NTRK2: variants seen among roughly 807,000 people sequenced by gnomAD.
The protein encoded by NTRK2 is neurotrophic receptor tyrosine kinase 2.
NTRK2 carries 13 observed loss-of-function variants against 94.5 expected under a neutral mutation model. That is an observed-to-expected ratio of 0.14 (90% CI 0.09 to 0.22). The LOEUF is 0.22. NTRK2 is among the 10% of genes least tolerant of loss of function. The pLI is 1.00. For synonymous variants in NTRK2, 372 were observed against 407.4 expected (o/e 0.91, Z 1.05); for missense variants, 639 against 1,071.2 (o/e 0.60, Z 5.63).
Position 85,020,176 on chromosome 9 carries a change from A to T in NTRK2, c.2173-30A>T, listed in dbSNP as rs768455677. On this transcript the variant is annotated intron_variant, in intron 17 of 18. Coordinates refer to ENST00000277120, the MANE Select transcript of NTRK2 (RefSeq NM_006180.6). ...TCCACACCTGGTTTCGGGGTGACTG[A>T]TGCCTCCCTGTTGATCCCTTTCTCC... is the stretch of plus-strand genomic sequence containing the variant. 5.6e-6 allele frequency: 9 copies of T among 1,613,382 alleles called. No individual in the cohort carries two copies. The Admixed American group carries it at 1.3e-4, about 24-fold the overall frequency.
chr9:84,742,893 C>T (rs945964639), intron 10 of NTRK2, among the ~76,000 whole-genome samples: 1 of 150,880 alleles, frequency 6.6e-6, no homozygotes, highest in Non-Finnish European at 1.5e-5. Flanking sequence ...CTCCGCCTCC[C>T]GAGTTCAAGC....
intron 12 of NTRK2, chr9:84,814,227 A>G (rs771102724): frequency 5.6e-6 from 6 of 1,065,416 alleles, no homozygotes; most frequent in Non-Finnish European, 6.8e-6. Flanking sequence ...TCACTCTCCA[A>G]GTAACCCTGA....
intron 15 of NTRK2, among the ~76,000 whole-genome samples, chr9:84,941,646 G>A (rs2078413849): frequency 6.6e-6 from 1 of 152,208 alleles, no homozygotes; most frequent in South Asian, 2.1e-4. Context: ...GCTCCTTTAT[G>A]TCTAGCAAAA....
chr9:84,739,553 G>A (rs2063491524), intron 9 of NTRK2, among the ~76,000 whole-genome samples: 1 of 152,168 alleles, frequency 6.6e-6, no homozygotes, highest in African/African-American at 2.4e-5. Context: ...AGTCACTGAG[G>A]CCGTTTAAAT....
chr9:84,865,853 C>G (rs2075568255), intron 13 of NTRK2, among the ~76,000 whole-genome samples: 1 of 152,220 alleles, frequency 6.6e-6, no homozygotes, highest in Non-Finnish European at 1.5e-5. Flanking sequence ...CCCACGTAGA[C>G]AGTGCCTGTC....
chr9:84,682,453 AGGTTTTGG>A (rs1466765362), intron 2 of NTRK2, among the ~76,000 whole-genome samples: 1 of 151,974 alleles, frequency 6.6e-6, no homozygotes, highest in East Asian at 1.9e-4. Context: ...GAAGTTGGGG[AGGTTTTGG>A]CAGCCTCTGA....
At chr9:84,772,970 A>G (rs1242764749) in intron 12 of NTRK2, among the ~76,000 whole-genome samples, 1 of 152,226 alleles carries the variant, frequency 6.6e-6, no homozygotes, top group Non-Finnish European at 1.5e-5. Context: ...CAGCAGAGCC[A>G]CTGAATTTAG....
At chr9:84,884,714 C>T (rs1240217326) in intron 14 of NTRK2, among the ~76,000 whole-genome samples, 4 of 152,188 alleles carry the variant, frequency 2.6e-5, no homozygotes, top group Admixed American at 6.5e-5. Flanking sequence ...GGGAAAAATA[C>T]AATTTTCTGT....
intron 17 of NTRK2, among the ~76,000 whole-genome samples, chr9:84,981,825 T>G (rs1245985201): frequency 1.3e-5 from 2 of 152,102 alleles, no homozygotes; most frequent in Non-Finnish European, 2.9e-5. Context: ...GTTTCTGGGG[T>G]TTTATTGATT....
chr9:84,886,086 A>G (rs1466037911), intron 14 of NTRK2, among the ~76,000 whole-genome samples: 1 of 152,178 alleles, frequency 6.6e-6, no homozygotes, highest in Non-Finnish European at 1.5e-5. Flanking sequence ...ACACCTGTAG[A>G]TGGGAAATGG....
At position 85,020,625 on chromosome 9, in the gene NTRK2, C is replaced by T. The variant is rs12378021; in HGVS notation, c.2331+261C>T. On this transcript the variant is annotated intron_variant, in intron 18 of 18. Transcript: ENST00000277120. ...GACTGAGGAGTCACTTTATGCAGCT[C>T]ATCTGATAAATTAATAGCAGACGTA... Among the ~76,000 whole-genome samples, 30,455 of 152,080 alleles carry T rather than the reference C, an allele frequency of 0.2. 3,436 individuals carry two copies. Among genetic ancestry groups the T allele is most frequent in the Admixed American group, 0.27 (4,192 of 15,290 alleles).
chr9:84,802,370 A>G (rs1279188169), intron 12 of NTRK2, among the ~76,000 whole-genome samples: 1 of 152,222 alleles, frequency 6.6e-6, no homozygotes, highest in Non-Finnish European at 1.5e-5. Context: ...TTCCACTTGA[A>G]CCAAAGAATT....
intron 12 of NTRK2, among the ~76,000 whole-genome samples, chr9:84,823,252 G>A (rs567901138): frequency 6.6e-6 from 1 of 152,248 alleles, no homozygotes; most frequent in African/African-American, 2.4e-5. Flanking sequence ...CTAAAACCAC[G>A]AGTGATTTTT....
At chr9:84,893,463 G>C (rs1484706692) in intron 14 of NTRK2, among the ~76,000 whole-genome samples, 1 of 152,140 alleles carries the variant, frequency 6.6e-6, no homozygotes, top group Non-Finnish European at 1.5e-5. Context: ...AAATTTTGGA[G>C]CACTTGACCC....
At chr9:85,003,987 AGAAG>A (rs1189475406) in intron 17 of NTRK2, among the ~76,000 whole-genome samples, 1 of 119,290 alleles carries the variant, frequency 8.4e-6, no homozygotes, top group East Asian at 2.1e-4. Flanking sequence ...AGGAGAAAGA[AGAAG>A]GAAAGAAAGA....
intron 12 of NTRK2, chr9:84,814,439 CT>C (rs1174865383): frequency 1.3e-5 from 14 of 1,065,470 alleles, no homozygotes; most frequent in South Asian, 4.5e-5. Flanking sequence ...GAGCACTTGA[CT>C]TTTTTTTCTC....
chr9:84,968,138 A>G (rs1438663147), intron 17 of NTRK2, among the ~76,000 whole-genome samples: 2 of 152,152 alleles, frequency 1.3e-5, no homozygotes, highest in Non-Finnish European at 2.9e-5. Flanking sequence ...TGAGAAAAAT[A>G]ATATTCAGGG....
At chr9:84,888,647 A>AAT (rs2076493975) in intron 14 of NTRK2, among the ~76,000 whole-genome samples, 1 of 142,380 alleles carries the variant, frequency 7.0e-6, no homozygotes, top group African/African-American at 2.6e-5. Context: ...AAAAAAAAAA[A>AAT]AAGTGGCAGA....
chr9:84,903,955 GA>G (rs2077004422), intron 14 of NTRK2, among the ~76,000 whole-genome samples: 1 of 152,122 alleles, frequency 6.6e-6, no homozygotes, highest in African/African-American at 2.4e-5. Context: ...GCCAAAGAAA[GA>G]AATGAGAAAA....
Sources: allele counts gnomAD v4.1 joint callset (sites outside exome capture counted in the v4.1 genomes callset), GRCh38; gene constraint gnomAD v4.1.1; transcripts MANE v1.5; gene names NCBI Gene and HGNC (gene_info 2026-07-23, HGNC 2026-07-21).